Variants in DEPDC7 observed in about 807,000 individuals in gnomAD.
The protein encoded by DEPDC7 is DEP domain-containing protein 7.
A neutral mutation model predicts 56.6 loss-of-function variants in DEPDC7; 41 were observed. The observed-to-expected ratio is 0.72, with a 90% CI of 0.56 to 0.94. The LOEUF is 0.94. Ranked by LOEUF, DEPDC7 falls within the 40% of genes least tolerant of loss-of-function variation. The pLI is 0.00. For synonymous variants in DEPDC7, 185 were observed against 208.8 expected, an observed-to-expected ratio of 0.89 and a Z score of 0.98; for missense variants, 522 against 596.3, an observed-to-expected ratio of 0.88 and a Z score of 1.30.
rs1853654847 is a variant in DEPDC7, at chr11:33,033,405, C to A, written c.1486C>A (p.Gln496Lys). Residue 496 changes from glutamine to lysine, a missense_variant, in exon 9 of 9, where the codon CAA (glutamine) becomes AAA (lysine). By Grantham distance (53) the Gln-to-Lys change is moderately conservative. Coordinates refer to ENST00000241051, the MANE Select transcript of DEPDC7 (RefSeq NM_001077242.2). ...CAAAGAGAAGAAAAAATTGCTAGGTCAATTCTATAAGTGTCACCCAGACAT... is the reference window on the plus strand; with the variant it reads ...CAAAGAGAAGAAAAAATTGCTAGGTAAATTCTATAAGTGTCACCCAGACAT... ...SAKEKKKLLG[Q>K]FYKCHPDIFI... The A allele has an allele frequency of 1.9e-6, 3 of 1,610,292 alleles. No individual in the cohort carries two copies. In the South Asian group the frequency reaches 3.3e-5, roughly 18 times the overall value.
chr11:33,026,012 C>A lies in DEPDC7; in HGVS notation c.427C>A (p.Gln143Lys). 6.2e-7 allele frequency: 1 copy of A among 1,613,936 alleles called. No homozygotes were observed. Among genetic ancestry groups the A allele is most frequent in the South Asian group, 1.1e-5 (1 of 91,040 alleles). The change falls in exon 2 of 9, where the codon CAG becomes AAG. Residue 143 changes from glutamine (Q) to lysine (K), a missense_variant. Gln to Lys is a moderately conservative substitution (Grantham distance 53). Coordinates refer to ENST00000241051, the MANE Select transcript of DEPDC7 (RefSeq NM_001077242.2). ...CACCACAATACCTAACCAAGACAGT[C>A]AGTTAGGCAAAGAGAACAAACTATA... ...RFTTIPNQDS[Q>K]LGKENKLYSP...
chr11:33,016,047 C>A lies in DEPDC7; in HGVS notation c.73+19C>A, dbSNP rs986577524. On this transcript the variant is annotated intron_variant, in intron 1 of 8. Coordinates refer to ENST00000241051, the MANE Select transcript of DEPDC7 (RefSeq NM_001077242.2). ...CCTCCGGGTAGGTGCCGAGGACTGCCGCCTGGGATGGCGCGGGGCGGGCTG... is the reference window on the plus strand; with the variant it reads ...CCTCCGGGTAGGTGCCGAGGACTGCAGCCTGGGATGGCGCGGGGCGGGCTG... The A allele has an allele frequency of 8.8e-6, 13 of 1,477,754 alleles. No individual in the cohort carries two copies. The African/African-American group carries it at 1.7e-4, about 20-fold the overall frequency. The allele number at this position is 1,477,754 out of a possible 1,614,324, so 91.5% of individuals were successfully genotyped here. A position where few individuals can be genotyped will look rare whatever the true frequency, so the allele number is the denominator to read the frequency against.
Position 33,033,274 on chromosome 11 carries a change from G to T in DEPDC7, c.1355G>T (p.Cys452Phe). ...TTTAAACTTTAAGGATATATTTATT[G>T]CCAGAGAATTGATCAACGTGACTAT... ...DPNRDAGYIY[C>F]QRIDQRDYSN... Residue 452 changes from cysteine (C) to phenylalanine (F), a missense_variant, in exon 9 of 9, where the codon TGC becomes TTC. Cys to Phe is a radical substitution (Grantham distance 205). Transcript: ENST00000241051. The T allele has an allele frequency of 6.3e-7, 1 of 1,590,114 alleles. No homozygotes were observed. The highest frequency in any genetic ancestry group is 2.2e-5 in the East Asian group (1 of 44,460).
intron 4 of DEPDC7, among the ~76,000 whole-genome samples, chr11:33,030,803 C>T (rs574876386): frequency 2.0e-5 from 3 of 152,248 alleles, no homozygotes; most frequent in East Asian, 1.9e-4. Flanking sequence ...AGGCTGGTCT[C>T]GAACTGCTGA....
At chr11:33,016,248 C>T in intron 1 of DEPDC7, 3 of 1,335,940 alleles carry the variant, frequency 2.2e-6, no homozygotes, top group Non-Finnish European at 2.9e-6. Context: ...GCAGAGCCCG[C>T]CCGCACAGCC....
At chr11:33,024,428 A>ATG (rs1564964036) in intron 1 of DEPDC7, among the ~76,000 whole-genome samples, 1 of 152,074 alleles carries the variant, frequency 6.6e-6, no homozygotes, top group African/African-American at 2.4e-5. Context: ...GTGTGTATCA[A>ATG]TGTGTATGTG....
intron 1 of DEPDC7, among the ~76,000 whole-genome samples, chr11:33,019,878 CTTTTT>C (rs77915754): frequency 7.8e-6 from 1 of 128,774 alleles, no homozygotes; most frequent in African/African-American, 2.8e-5. Context: ...GATTCAGTTC[CTTTTT>C]TTTTTTTTTT....
At position 33,031,536 on chromosome 11, in the gene DEPDC7, A is replaced by C; in HGVS notation, c.941A>C (p.Glu314Ala). 1 of 1,614,128 alleles carries C rather than the reference A, an allele frequency of 6.2e-7. No individual in the cohort carries two copies. The highest frequency in any genetic ancestry group is 8.5e-7 in the Non-Finnish European group (1 of 1,179,976). ...DAIGRYYSSR[E>A]PLLNHLSDVH... Reference sequence around the variant, plus strand: ...ATTGGCAGATATTACAGTAGTAGGGAACCTCTGTTAAATCACTTATCTGAC... The same window carrying C: ...ATTGGCAGATATTACAGTAGTAGGGCACCTCTGTTAAATCACTTATCTGAC... The change falls in exon 5 of 9, where the codon GAA becomes GCA. Residue 314 changes from glutamate to alanine, a missense_variant. Transcript: ENST00000241051.
At chr11:33,026,304 T>A in intron 2 of DEPDC7, 1 of 485,076 alleles carries the variant, frequency 2.1e-6, no homozygotes, top group African/African-American at 1.9e-5. Context: ...GTGTAAAAAG[T>A]GTTCTCATAC....
chr11:33,026,772 TTTTTTCTTTTC>T (rs1487820480), intron 2 of DEPDC7: 1 of 87,582 alleles, frequency 1.1e-5, no homozygotes. Context: ...CTGGCTAATT[TTTTTTCTTTTC>T]TTTTCTTTTC....
At chr11:33,027,866 T>A in intron 3 of DEPDC7, 53 bp downstream of exon 3, 1 of 1,450,570 alleles carries the variant, frequency 6.9e-7, no homozygotes, top group South Asian at 1.5e-5. Flanking sequence ...TCAAAGTTAT[T>A]TAAAATTTTT....
intron 1 of DEPDC7, among the ~76,000 whole-genome samples, chr11:33,021,639 T>C (rs755621680): frequency 2.0e-5 from 3 of 152,220 alleles, no homozygotes; most frequent in Admixed American, 6.5e-5. Context: ...TGAAAGCATC[T>C]GTATGAACAT....
At chr11:33,017,547 A>C (rs4755351) in intron 1 of DEPDC7, among the ~76,000 whole-genome samples, 1 of 152,016 alleles carries the variant, frequency 6.6e-6, no homozygotes, top group Non-Finnish European at 1.5e-5. Context: ...CAGTGGACGG[A>C]GAGGGGCCCG....
At chr11:33,019,482 G>A (rs1853500967) in intron 1 of DEPDC7, among the ~76,000 whole-genome samples, 2 of 151,956 alleles carry the variant, frequency 1.3e-5, no homozygotes, top group Admixed American at 6.6e-5. Context: ...CCTGGCCAAT[G>A]CGACAAAACC....
chr11:33,032,986 T>C lies in DEPDC7; in HGVS notation c.1342+19T>C. ...GATGCAGGTAATCTGAGAAATATTATTTTCATGATCTTCCAAAGACAAATT... is the reference window on the plus strand; with the variant it reads ...GATGCAGGTAATCTGAGAAATATTACTTTCATGATCTTCCAAAGACAAATT... On this transcript the variant is annotated intron_variant, in intron 8 of 8. Coordinates refer to ENST00000241051, the MANE Select transcript of DEPDC7 (RefSeq NM_001077242.2). 1 of 1,529,380 alleles carries C rather than the reference T, an allele frequency of 6.5e-7. No homozygotes were observed. Among genetic ancestry groups the C allele is most frequent in the South Asian group, 1.2e-5 (1 of 82,580 alleles). The allele number at this position is 1,529,380 out of a possible 1,614,324, so 94.7% of individuals were successfully genotyped here.
intron 1 of DEPDC7, among the ~76,000 whole-genome samples, chr11:33,023,971 G>A (rs1853548806): frequency 6.6e-6 from 1 of 152,062 alleles, no homozygotes. Flanking sequence ...AAAAATAAAG[G>A]AAGTAATATA....
intron 1 of DEPDC7, among the ~76,000 whole-genome samples, chr11:33,022,321 C>T (rs575668234): frequency 5.3e-5 from 8 of 152,260 alleles, no homozygotes; most frequent in African/African-American, 1.9e-4. Flanking sequence ...TCACTTAATC[C>T]AAGTTTCCAG....
chr11:33,016,086 G>A, intron 1 of DEPDC7, 58 bp downstream of exon 1: 1 of 1,316,832 alleles, frequency 7.6e-7, no homozygotes, highest in Non-Finnish European at 9.7e-7. Flanking sequence ...TGCGCGGGCT[G>A]GGTCCCGGCG....
intron 4 of DEPDC7, among the ~76,000 whole-genome samples, chr11:33,029,293 T>C (rs1853609298): frequency 6.6e-6 from 1 of 151,342 alleles, no homozygotes; most frequent in African/African-American, 2.4e-5. Context: ...AGGTCAGGAG[T>C]GCGAGGCCAG....
Sources: gnomAD v4.1 joint callset for allele counts (sites outside exome capture counted in the v4.1 genomes callset) on GRCh38, gnomAD v4.1.1 for gene constraint, MANE v1.5 for transcripts, NCBI Gene and HGNC (gene_info 2026-07-23, HGNC 2026-07-21) for gene names.